The following CR1 variants were observed in gnomAD, a reference collection of about 807,000 sequenced individuals.
CR1 encodes the protein complement C3b/C4b receptor 1 (Knops blood group), also known as complement receptor type 1.
Under a neutral mutation model 187.3 loss-of-function variants are expected in CR1, and 116 were observed. The observed-to-expected ratio is 0.62, with a 90% CI of 0.53 to 0.72. CR1 has a LOEUF of 0.72. Ranked by LOEUF, CR1 falls within the 30% of genes least tolerant of loss-of-function variation. The pLI is 0.00. For synonymous variants in CR1, 576 were observed against 747.1 expected, an observed-to-expected ratio of 0.77 and a Z score of 3.73; for missense variants, 1,731 against 2,110.7, an observed-to-expected ratio of 0.82 and a Z score of 3.52.
chr1:207,613,483 A>G (rs2093760), intron 39 of CR1, among the ~76,000 whole-genome samples: 113,467 of 151,992 alleles, frequency 0.75, 43,247 homozygotes, highest in South Asian at 0.9. Context: ...AGGTTCTCAA[A>G]CCAGTCCATG....
intron 23 of CR1, 114 bp from the exon 24 acceptor site, chr1:207,565,724 C>T: frequency 1.4e-6 from 2 of 1,382,824 alleles, no homozygotes; most frequent in South Asian, 2.4e-5. Flanking sequence ...GCAACTCTGC[C>T]ATCTGCTGGC....
At chr1:207,594,154 G>A (rs571816436) in intron 35 of CR1, among the ~76,000 whole-genome samples, 78 of 152,224 alleles carry the variant, frequency 5.1e-4, no homozygotes, top group Non-Finnish European at 9.4e-4. Context: ...ACATGCACAC[G>A]TATGTTTATT....
intron 34 of CR1, 70 bp downstream of exon 34, chr1:207,587,635 A>C (rs1661152444): frequency 6.8e-7 from 1 of 1,476,038 alleles, no homozygotes; most frequent in Non-Finnish European, 9.2e-7. Context: ...TTGGTGGCTC[A>C]CGCCTGTAAT....
Position 207,566,213 on chromosome 1 carries a change from T to G in CR1, c.3952+290T>G, listed in dbSNP as rs1178746941. On this transcript the variant is annotated intron_variant, in intron 24 of 46. Coordinates refer to ENST00000367049, the MANE Select transcript of CR1 (RefSeq NM_000651.6). Reference sequence around the variant, plus strand: ...TAATGTGAAGCTTTAACAATTTTCTTTCTTTCTCTAGTTTTTTCTTTCTTT... The same window carrying G: ...TAATGTGAAGCTTTAACAATTTTCTGTCTTTCTCTAGTTTTTTCTTTCTTT... Among the ~76,000 whole-genome samples the G allele has an allele frequency of 2.7e-5, 4 of 150,074 alleles. 1 individual carries two copies. Among genetic ancestry groups the G allele is most frequent in the Admixed American group, 2.0e-4 (3 of 15,212 alleles).
At chr1:207,545,208 AT>A (rs1660274818) in intron 13 of CR1, 99 bp from the exon 14 acceptor site, 5 of 452,468 alleles carry the variant, frequency 1.1e-5, no homozygotes, top group African/African-American at 4.6e-5. Flanking sequence ...TAACTTTATT[AT>A]TATATATAGA....
At chr1:207,623,584 CA>C (rs1214025375) in intron 45 of CR1, among the ~76,000 whole-genome samples, 1 of 135,694 alleles carries the variant, frequency 7.4e-6, no homozygotes, top group African/African-American at 2.9e-5. Flanking sequence ...GACTACATCT[CA>C]AAACACACAC....
At chr1:207,582,442 A>G (rs560808737) in intron 32 of CR1, among the ~76,000 whole-genome samples, 15 of 152,364 alleles carry the variant, frequency 9.8e-5, no homozygotes, top group African/African-American at 3.6e-4. Flanking sequence ...ATACCTATAA[A>G]CAAGACAGAT....
chr1:207,622,076 AAG>A, intron 44 of CR1, 80 bp downstream of exon 44: 1 of 1,162,062 alleles, frequency 8.6e-7, no homozygotes, highest in Non-Finnish European at 1.2e-6. Context: ...GAAATGTAAA[AAG>A]AGAGATCAAA....
intron 46 of CR1, among the ~76,000 whole-genome samples, chr1:207,635,522 G>C (rs1409184370): frequency 6.6e-6 from 1 of 152,180 alleles, no homozygotes; most frequent in Non-Finnish European, 1.5e-5. Context: ...TAACTCAGTA[G>C]ATGGAATATA....
rs115528293 is a variant in CR1 at position 207,499,594 on chromosome 1, G to A, written c.121+3206G>A. On this transcript the variant is annotated intron_variant, in intron 1 of 46. Coordinates refer to ENST00000367049, the MANE Select transcript of CR1 (RefSeq NM_000651.6). Reference sequence around the variant, plus strand: ...ACAACAGCAGAGCACATATTCTCCCGCTTACATTCATGGGGATAGACCACA... The same window carrying A: ...ACAACAGCAGAGCACATATTCTCCCACTTACATTCATGGGGATAGACCACA... Among the ~76,000 whole-genome samples, 1,008 of 152,194 alleles carry A rather than the reference G, an allele frequency of 6.6e-3. 9 individuals carry two copies. The highest frequency in any genetic ancestry group is 0.014 in the Middle Eastern group (4 of 294).
At chr1:207,496,570 A>G (rs1659094403) in intron 1 of CR1, among the ~76,000 whole-genome samples, 182 bp downstream of exon 1, 2 of 152,198 alleles carry the variant, frequency 1.3e-5, no homozygotes, top group South Asian at 4.1e-4. Flanking sequence ...TGCGCACTGG[A>G]GACCCTCGCT....
chr1:207,595,379 C>A (rs1359292994), intron 35 of CR1, among the ~76,000 whole-genome samples: 6 of 151,986 alleles, frequency 3.9e-5, no homozygotes, highest in Non-Finnish European at 8.8e-5. Flanking sequence ...TAAGTTGATC[C>A]TTGAAGGCTT....
At chr1:207,635,977 GCAGAAGAATTTTTCTTAGTA>G (rs1662800621) in intron 46 of CR1, among the ~76,000 whole-genome samples, 1 of 152,110 alleles carries the variant, frequency 6.6e-6, no homozygotes, top group Non-Finnish European at 1.5e-5. Context: ...GCATCTCAAG[GCAGAAGAATTTTTCTTAGTA>G]CAGAACAAAA....
intron 33 of CR1, among the ~76,000 whole-genome samples, chr1:207,585,129 G>A (rs533570805): frequency 6.6e-6 from 1 of 152,106 alleles, no homozygotes; most frequent in Non-Finnish European, 1.5e-5. Flanking sequence ...GAGGGGTGGA[G>A]GGAAGGCAGT....
At chr1:207,524,873 G>A (rs1192279887) in intron 5 of CR1, among the ~76,000 whole-genome samples, 2 of 151,886 alleles carry the variant, frequency 1.3e-5, no homozygotes, top group African/African-American at 2.4e-5. Flanking sequence ...CATGCAGGTT[G>A]TATTAGTCTG....
At chr1:207,602,376 A>G (rs1029469527) in intron 35 of CR1, among the ~76,000 whole-genome samples, 1 of 152,138 alleles carries the variant, frequency 6.6e-6, no homozygotes, top group African/African-American at 2.4e-5. Context: ...ATAAATACTA[A>G]AAATCTTAAA....
intron 28 of CR1, among the ~76,000 whole-genome samples, chr1:207,577,333 G>A (rs781424072): frequency 6.6e-6 from 1 of 151,856 alleles, no homozygotes; most frequent in African/African-American, 2.4e-5. Context: ...ACTGAGTAGA[G>A]CAGCACTCAT....
At chr1:207,525,742 C>A (rs1276978757) in intron 5 of CR1, among the ~76,000 whole-genome samples, 4 of 151,974 alleles carry the variant, frequency 2.6e-5, no homozygotes, top group African/African-American at 9.7e-5. Flanking sequence ...TGGGGGCCAA[C>A]AGAAATTTAA....
At chr1:207,510,925 G>C (rs914826388) in intron 3 of CR1, among the ~76,000 whole-genome samples, 4 of 151,486 alleles carry the variant, frequency 2.6e-5, no homozygotes, top group Non-Finnish European at 5.9e-5. Flanking sequence ...TGACTCAAGC[G>C]ATCTTCATGC....
Sources: gnomAD v4.1 joint callset for allele counts (sites outside exome capture counted in the v4.1 genomes callset) on GRCh38, gnomAD v4.1.1 for gene constraint, MANE v1.5 for transcripts, NCBI Gene and HGNC (gene_info 2026-07-23, HGNC 2026-07-21) for gene names.